OSBPL11: variants seen among roughly 807,000 people sequenced by gnomAD.
The protein encoded by OSBPL11 is oxysterol-binding protein-related protein 11.
In OSBPL11, 33 loss-of-function variants were observed where a neutral mutation model predicts 84.4. The ratio of observed to expected loss-of-function variants is 0.39; its 90% confidence interval spans 0.30 to 0.52. The LOEUF is 0.52. Among genes scored for constraint, OSBPL11 ranks in the 20% least tolerant of loss-of-function variants. The pLI, the probability that OSBPL11 is intolerant of heterozygous loss-of-function variation, is 0.72. For synonymous variants in OSBPL11, 276 were observed against 310.2 expected, an observed-to-expected ratio of 0.89 and a Z score of 1.16; for missense variants, 736 against 901.1, an observed-to-expected ratio of 0.82 and a Z score of 2.35.
chr3:125,530,984 C>CT (rs10663462), intron 12 of OSBPL11, among the ~76,000 whole-genome samples: 56,164 of 147,958 alleles, frequency 0.38, 10,841 homozygotes, highest in African/African-American at 0.5. Context: ...TTTTTCTTTC[C>CT]TTTTTTTTTT....
intron 11 of OSBPL11, 73 bp from the exon 12 acceptor site, chr3:125,532,087 A>C (rs1580027856): frequency 7.1e-7 from 1 of 1,400,210 alleles, no homozygotes; most frequent in African/African-American, 1.5e-5. Flanking sequence ...ATACCCTCAA[A>C]ATTACAATAA....
At chr3:125,545,806 G>C (rs1024414581) in intron 10 of OSBPL11, among the ~76,000 whole-genome samples, 1 of 152,100 alleles carries the variant, frequency 6.6e-6, no homozygotes, top group Non-Finnish European at 1.5e-5. Context: ...GAAACTAAGG[G>C]AGTAAGGGAA....
At chr3:125,573,815 T>C (rs1267516056) in intron 5 of OSBPL11, among the ~76,000 whole-genome samples, 2 of 133,390 alleles carry the variant, frequency 1.5e-5, no homozygotes, top group South Asian at 2.2e-4. Context: ...GAGGTTGCAG[T>C]GAGCTGAAAT....
intron 7 of OSBPL11, among the ~76,000 whole-genome samples, chr3:125,561,621 C>G (rs1332819772): frequency 1.3e-5 from 2 of 152,202 alleles, no homozygotes; most frequent in African/African-American, 4.8e-5. Flanking sequence ...TCTTCTTAAA[C>G]ATAGTACATT....
intron 8 of OSBPL11, among the ~76,000 whole-genome samples, chr3:125,558,870 C>T (rs1191267314): frequency 6.6e-6 from 1 of 152,222 alleles, no homozygotes; most frequent in African/African-American, 2.4e-5. Context: ...TTCTGGTCCA[C>T]TAAGTCTGGG....
intron 1 of OSBPL11, among the ~76,000 whole-genome samples, chr3:125,585,512 A>T (rs137951582): frequency 1.3e-4 from 19 of 146,364 alleles, no homozygotes; most frequent in African/African-American, 4.5e-4. Flanking sequence ...TTGCTGATTC[A>T]TATATCTAAA....
chr3:125,540,155 T>A (rs1214415955), intron 10 of OSBPL11, among the ~76,000 whole-genome samples: 1 of 151,582 alleles, frequency 6.6e-6, no homozygotes, highest in Non-Finnish European at 1.5e-5. Context: ...TTAAGAGTAA[T>A]TTTACCTACT....
At position 125,547,511 on chromosome 3, in the gene OSBPL11, G is replaced by C; in HGVS notation, c.1736C>G (p.Pro579Arg). 6.2e-7 allele frequency: 1 copy of C among 1,613,978 alleles called. No individual in the cohort carries two copies. Among genetic ancestry groups the C allele is most frequent in the South Asian group, 1.1e-5 (1 of 91,068 alleles). The change falls in exon 10 of 13, where the codon CCT (proline) becomes CGT (arginine). Residue 579 changes from proline to arginine, a missense_variant. This residue lies in a region of OSBPL11 where 579 missense variants were observed against 717.6 expected (regional missense o/e 0.81). Transcript: ENST00000296220. ...CAYARSILTV[P>R]WVELGGKVSV... ...GACTTTGCCACCCAGTTCTACCCAA[G>C]GAACAGTCAAAATTGACCGAGCATA...
chr3:125,552,371 C>T lies in OSBPL11; in HGVS notation c.1464G>A (p.Ser488=), dbSNP rs1935925168. 4.3e-6 allele frequency: 7 copies of T among 1,613,918 alleles called. No individual in the cohort carries two copies. The highest frequency in any genetic ancestry group is 2.2e-5 in the South Asian group (2 of 91,080). The change falls in exon 9 of 13, where the codon TCG becomes TCA. Residue 488 remains serine (S), a synonymous_variant. Coordinates refer to ENST00000296220, the MANE Select transcript of OSBPL11 (RefSeq NM_022776.5). ...TQGVTNHAPL[S]GESLTQVGSD... is the part of the protein sequence containing the mutation. ...ATCCCACCTGGGTCAAAGACTCCCC[C>T]GATAAAGGAGCATGATTTGTGACTC...
Position 125,547,487 on chromosome 3 carries a change from A to G in OSBPL11, c.1760T>C (p.Val587Ala). The change falls in exon 10 of 13, where the codon GTC (valine) becomes GCC (alanine). Residue 587 changes from valine to alanine, a missense_variant. Physicochemically the swap from Val to Ala is moderately conservative, Grantham distance 64 (BLOSUM62 0). Around this residue, in one of 3 missense-constraint regions of OSBPL11, gnomAD observed 579 missense variants for 717.6 expected, o/e 0.81. Transcript: ENST00000296220. The stretch of plus-strand genomic sequence containing the variant: ...TCCAGTTTTTGCACAGTTGACACTG[A>G]CTTTGCCACCCAGTTCTACCCAAGG... Reference protein sequence around the residue: ...TVPWVELGGKVSVNCAKTGYS... With the variant: ...TVPWVELGGKASVNCAKTGYS... 1 of 1,614,142 alleles carries G rather than the reference A, an allele frequency of 6.2e-7. No individual in the cohort carries two copies. Among genetic ancestry groups the G allele is most frequent in the Non-Finnish European group, 8.5e-7 (1 of 1,180,010 alleles).
chr3:125,577,356 A>G (rs973351975), intron 4 of OSBPL11, among the ~76,000 whole-genome samples: 2 of 152,172 alleles, frequency 1.3e-5, no homozygotes, highest in Admixed American at 1.3e-4. Flanking sequence ...TATTTTTAAA[A>G]ACACTCCAAA....
At chr3:125,545,219 T>C (rs901009948) in intron 10 of OSBPL11, among the ~76,000 whole-genome samples, 2 of 152,224 alleles carry the variant, frequency 1.3e-5, no homozygotes, top group African/African-American at 2.4e-5. Context: ...TAAGGACACA[T>C]GCAACAAATC....
In OSBPL11 at chr3:125,528,937, C is replaced by T. The variant is rs898877530; in HGVS notation, c.*1578G>A. The T allele has an allele frequency of 6.6e-6, 1 of 152,602 alleles. No individual in the cohort carries two copies. The highest frequency in any genetic ancestry group is 1.5e-5 in the Non-Finnish European group (1 of 68,034). 9.5% of individuals were successfully genotyped at this position (152,602 alleles called of 1,614,324 possible). A position where few individuals can be genotyped will look rare whatever the true frequency, so the allele number is the denominator to read the frequency against. On this transcript the variant is annotated 3_prime_UTR_variant, in exon 13 of 13. Coordinates refer to ENST00000296220, the MANE Select transcript of OSBPL11 (RefSeq NM_022776.5). ...CTCATTTTGAGGATTTTTTTCAGTG[C>T]ATTTCACAGCAAAAATGAACAAGGG...
chr3:125,591,011 T>C (rs535276636), intron 1 of OSBPL11, among the ~76,000 whole-genome samples: 32 of 152,358 alleles, frequency 2.1e-4, no homozygotes, highest in Non-Finnish European at 4.1e-4. Flanking sequence ...ACAGGAATAA[T>C]AATGCTGTAT....
intron 6 of OSBPL11, among the ~76,000 whole-genome samples, chr3:125,565,498 G>A (rs1268404351): frequency 6.6e-6 from 1 of 152,030 alleles, no homozygotes; most frequent in Non-Finnish European, 1.5e-5. Context: ...AAACATTTTT[G>A]ATGTAAAGTG....
intron 12 of OSBPL11, among the ~76,000 whole-genome samples, chr3:125,531,293 CTT>C (rs774229724): frequency 2.7e-4 from 35 of 131,398 alleles, no homozygotes; most frequent in Non-Finnish European, 2.6e-4. Context: ...GCTCATTTTT[CTT>C]TTTTTTTTTT....
chr3:125,564,844 G>A (rs781578710), intron 6 of OSBPL11, among the ~76,000 whole-genome samples: 2 of 152,036 alleles, frequency 1.3e-5, no homozygotes, highest in East Asian at 3.9e-4. Context: ...TGGTAGAGAC[G>A]GAGTTTCACC....
chr3:125,533,208 C>G (rs9872826), intron 11 of OSBPL11, among the ~76,000 whole-genome samples: 16,138 of 138,396 alleles, frequency 0.12, 2,018 homozygotes, highest in African/African-American at 0.32. Flanking sequence ...TCCCTCCCTT[C>G]TCTCTCCCTC....
intron 3 of OSBPL11, among the ~76,000 whole-genome samples, chr3:125,579,544 A>G (rs1337353451): frequency 6.6e-6 from 1 of 152,236 alleles, no homozygotes; most frequent in Non-Finnish European, 1.5e-5. Context: ...GGGCACGTAA[A>G]CTAAACCAAG....
Sources: allele counts gnomAD v4.1 joint callset (sites outside exome capture counted in the v4.1 genomes callset), GRCh38; gene constraint gnomAD v4.1.1; regional missense constraint gnomAD v4.1.1; transcripts MANE v1.5; gene names NCBI Gene and HGNC (gene_info 2026-07-23, HGNC 2026-07-21).